FUT9: variants seen among roughly 807,000 people sequenced by gnomAD.
The protein encoded by FUT9 is fucosyltransferase 9.
Under a neutral mutation model 29.7 loss-of-function variants are expected in FUT9, and 15 were observed. The observed-to-expected ratio is 0.51, with a 90% CI of 0.34 to 0.78. The LOEUF is 0.78. Ranked by LOEUF, FUT9 falls within the 30% of genes least tolerant of loss-of-function variation. The probability of loss-of-function intolerance (pLI) is 0.01; values close to 1 mark genes in which losing one functional copy is unlikely to be tolerated. For synonymous variants in FUT9, 169 were observed against 153.7 expected (o/e 1.10, Z -0.74); for missense variants, 319 against 425.4 (o/e 0.75, Z 2.20).
intron 1 of FUT9, among the ~76,000 whole-genome samples, chr6:96,079,199 C>T (rs1771195050): frequency 6.6e-6 from 1 of 152,068 alleles, no homozygotes; most frequent in South Asian, 2.1e-4. Flanking sequence ...TAGGAAACAC[C>T]AGATTTATAT....
intron 1 of FUT9, among the ~76,000 whole-genome samples, chr6:96,038,485 T>C (rs1047023432): frequency 6.6e-6 from 1 of 152,158 alleles, no homozygotes; most frequent in African/African-American, 2.4e-5. Context: ...GAGGAAAATA[T>C]AGGGTAACTT....
chr6:96,113,761 G>T (rs954134711), intron 1 of FUT9, among the ~76,000 whole-genome samples: 2 of 151,478 alleles, frequency 1.3e-5, no homozygotes, highest in East Asian at 4.0e-4. Flanking sequence ...GGCTGAGGCC[G>T]GAGAATGTCG....
intron 1 of FUT9, among the ~76,000 whole-genome samples, chr6:96,021,342 A>C (rs1443025789): frequency 6.6e-6 from 1 of 151,940 alleles, no homozygotes; most frequent in Non-Finnish European, 1.5e-5. Flanking sequence ...AGGTAGTCCC[A>C]AACTAACAAA....
chr6:96,187,923 T>C (rs971116459), intron 2 of FUT9, among the ~76,000 whole-genome samples: 4 of 152,096 alleles, frequency 2.6e-5, no homozygotes, highest in Non-Finnish European at 1.5e-5. Flanking sequence ...TAGGAGGGGA[T>C]ACAACTATCA....
intron 2 of FUT9, among the ~76,000 whole-genome samples, chr6:96,116,975 G>A (rs1771923989): frequency 6.6e-6 from 1 of 152,144 alleles, no homozygotes; most frequent in South Asian, 2.1e-4. Flanking sequence ...AAAACAAATA[G>A]GATGTATTAT....
At chr6:96,184,193 A>G (rs1005607008) in intron 2 of FUT9, among the ~76,000 whole-genome samples, 1 of 152,088 alleles carries the variant, frequency 6.6e-6, no homozygotes, top group South Asian at 2.1e-4. Context: ...GTATCTTTAC[A>G]GGAATTTATC....
chr6:96,051,459 T>A (rs1770668250), intron 1 of FUT9, among the ~76,000 whole-genome samples: 1 of 152,002 alleles, frequency 6.6e-6, no homozygotes, highest in African/African-American at 2.4e-5. Context: ...AAAACCAGCT[T>A]GGACAACATA....
intron 2 of FUT9, among the ~76,000 whole-genome samples, chr6:96,128,952 T>G (rs12663926): frequency 6.6e-6 from 1 of 151,412 alleles, no homozygotes; most frequent in Admixed American, 6.6e-5. Flanking sequence ...TGGTGAAACA[T>G]CTCCACAAAA....
intron 2 of FUT9, among the ~76,000 whole-genome samples, chr6:96,193,582 G>C (rs1345652926): frequency 6.6e-6 from 1 of 151,908 alleles, no homozygotes; most frequent in Non-Finnish European, 1.5e-5. Context: ...TGGAGAAATA[G>C]GAACACTTTT....
At chr6:96,137,149 C>T (rs1255507193) in intron 2 of FUT9, among the ~76,000 whole-genome samples, 3 of 151,818 alleles carry the variant, frequency 2.0e-5, no homozygotes, top group Non-Finnish European at 4.4e-5. Flanking sequence ...GGCATGGAAA[C>T]CATGAGACAC....
At chr6:96,186,509 G>A (rs1773408752) in intron 2 of FUT9, among the ~76,000 whole-genome samples, 1 of 152,048 alleles carries the variant, frequency 6.6e-6, no homozygotes, top group Non-Finnish European at 1.5e-5. Flanking sequence ...GTGTATTAGG[G>A]TTCTCAGAGA....
chr6:96,171,541 A>G (rs1437492227), intron 2 of FUT9, among the ~76,000 whole-genome samples: 1 of 151,542 alleles, frequency 6.6e-6, no homozygotes, highest in African/African-American at 2.4e-5. Flanking sequence ...TGTAATCTAG[A>G]CTCCTTCAAG....
At chr6:96,197,997 A>T (rs1337613826) in intron 2 of FUT9, among the ~76,000 whole-genome samples, 1 of 152,104 alleles carries the variant, frequency 6.6e-6, no homozygotes, top group Non-Finnish European at 1.5e-5. Context: ...TTAGTTACAC[A>T]TTTTTCTCCC....
At chr6:96,068,634 G>C (rs575049395) in intron 1 of FUT9, among the ~76,000 whole-genome samples, 12 of 152,332 alleles carry the variant, frequency 7.9e-5, no homozygotes, top group Admixed American at 2.6e-4. Context: ...ACTTAAAGCA[G>C]TTTAAGTAGT....
intron 2 of FUT9, among the ~76,000 whole-genome samples, chr6:96,123,046 G>A (rs1183198218): frequency 9.1e-6 from 1 of 110,324 alleles, no homozygotes; most frequent in Non-Finnish European, 1.6e-5. Flanking sequence ...GGAGACAGCC[G>A]CGAGACTCAG....
chr6:96,059,769 A>G (rs775833514), intron 1 of FUT9, among the ~76,000 whole-genome samples: 1 of 152,156 alleles, frequency 6.6e-6, no homozygotes, highest in Non-Finnish European at 1.5e-5. Flanking sequence ...GAAAAATGTT[A>G]TCCCTTTTTC....
chr6:96,066,618 C>T (rs1770966044), intron 1 of FUT9, among the ~76,000 whole-genome samples: 1 of 152,002 alleles, frequency 6.6e-6, no homozygotes, highest in Non-Finnish European at 1.5e-5. Context: ...TTTTGTAATC[C>T]ATTTGTCTTC....
At chr6:96,148,241 A>T (rs1173938347) in intron 2 of FUT9, among the ~76,000 whole-genome samples, 2 of 152,200 alleles carry the variant, frequency 1.3e-5, no homozygotes, top group South Asian at 2.1e-4. Flanking sequence ...GATCTTGAGT[A>T]ATTAGCACTC....
chr6:96,034,052 G>T (rs9322617), intron 1 of FUT9, among the ~76,000 whole-genome samples: 62,549 of 151,336 alleles, frequency 0.41, 13,109 homozygotes, highest in Non-Finnish European at 0.46. Flanking sequence ...GAAAATATAA[G>T]CCCTATACAG....
Sources: gnomAD v4.1 joint callset for allele counts (sites outside exome capture counted in the v4.1 genomes callset) on GRCh38, gnomAD v4.1.1 for gene constraint, MANE v1.5 for transcripts, NCBI Gene and HGNC (gene_info 2026-07-23, HGNC 2026-07-21) for gene names.